CMPK1: variants seen among roughly 807,000 people sequenced by gnomAD.
CMPK1 encodes UMP-CMP kinase.
A neutral mutation model predicts 25.7 loss-of-function variants in CMPK1; 10 were observed. The observed-to-expected ratio is 0.39, with a 90% CI of 0.24 to 0.66. The LOEUF is 0.66. Ranked by LOEUF, CMPK1 falls within the 30% of genes least tolerant of loss-of-function variation. The pLI is 0.48. For missense variants in CMPK1, 199 were observed against 280.5 expected (o/e 0.71, Z 2.08); for synonymous variants, 106 against 101.5 (o/e 1.04, Z -0.27).
At chr1:47,372,847 A>G in intron 2 of CMPK1, 108 bp from the exon 3 acceptor site, 1 of 673,414 alleles carries the variant, frequency 1.5e-6, no homozygotes, top group Non-Finnish European at 2.1e-6. Context: ...TCCACCCTTT[A>G]CTTATGGTTT....
At chr1:47,375,332 A>G in intron 5 of CMPK1, 39 bp downstream of exon 5, 2 of 1,297,572 alleles carry the variant, frequency 1.5e-6, no homozygotes, top group Non-Finnish European at 2.2e-6. Context: ...AATATGTCAA[A>G]TAAAAATGTG....
intron 1 of CMPK1, among the ~76,000 whole-genome samples, chr1:47,338,676 G>A (rs1369303508): frequency 7.0e-6 from 1 of 143,554 alleles, no homozygotes; most frequent in Non-Finnish European, 1.5e-5. Context: ...CTAATTGTTT[G>A]TAAATCTGTA....
intron 1 of CMPK1, among the ~76,000 whole-genome samples, chr1:47,337,369 CAAAT>C (rs758899904): frequency 2.0e-5 from 3 of 152,106 alleles, no homozygotes; most frequent in Non-Finnish European, 4.4e-5. Context: ...TCAGTAATGG[CAAAT>C]AATATTTTAA....
At chr1:47,372,163 G>A (rs997905113) in intron 2 of CMPK1, among the ~76,000 whole-genome samples, 4 of 149,892 alleles carry the variant, frequency 2.7e-5, no homozygotes, top group Admixed American at 6.7e-5. Flanking sequence ...GCACGATCTC[G>A]GCTTACTGAA....
At chr1:47,354,205 C>T (rs1005749404) in intron 1 of CMPK1, among the ~76,000 whole-genome samples, 1 of 151,932 alleles carries the variant, frequency 6.6e-6, no homozygotes, top group East Asian at 1.9e-4. Context: ...ATGGCATGCT[C>T]GTAGTCCCAG....
chr1:47,358,317 T>C, intron 1 of CMPK1: 5 of 651,626 alleles, frequency 7.7e-6, no homozygotes, highest in Non-Finnish European at 1.2e-5. Context: ...CTTGCTATGG[T>C]GCATAGGCTG....
intron 5 of CMPK1, 98 bp from the exon 6 acceptor site, chr1:47,376,606 G>A (rs555822832): frequency 1.3e-4 from 89 of 707,734 alleles, no homozygotes; most frequent in Non-Finnish European, 1.8e-4. Context: ...GTGAGCCACC[G>A]CGCCCCGCCA....
chr1:47,378,498 T>TA lies in CMPK1; in HGVS notation c.*1754dup, dbSNP rs1293273133. 2.0e-5 allele frequency: 3 copies of TA among 152,236 alleles called. No homozygotes were observed. The highest frequency in any genetic ancestry group is 4.4e-5 in the Non-Finnish European group (3 of 68,030). The allele number at this position is 152,236 out of a possible 1,614,324, so 9.4% of individuals were successfully genotyped here. The stretch of plus-strand genomic sequence containing the variant: ...AAGTTTTGAAGAAGACTGATGAGAC[T>TA]AGGTGCTTTGCTTCCTTTCATCAGG... On this transcript the variant is annotated 3_prime_UTR_variant, in exon 6 of 6. Coordinates refer to ENST00000371873, the MANE Select transcript of CMPK1 (RefSeq NM_016308.3).
At position 47,377,861 on chromosome 1, in the gene CMPK1, A is replaced by T. The variant is rs1417429736; in HGVS notation, c.*1116A>T. 1 of 152,602 alleles carries T rather than the reference A, an allele frequency of 6.6e-6. No homozygotes were observed. Among genetic ancestry groups the T allele is most frequent in the African/African-American group, 2.4e-5 (1 of 41,450 alleles). The allele number at this position is 152,602 out of a possible 1,614,324, so 9.5% of individuals were successfully genotyped here. A position where few individuals can be genotyped will look rare whatever the true frequency, so the allele number is the denominator to read the frequency against. ...AGCACCGAAAGATAAATGATTTTTA[A>T]AAGGCTATAGAGTCCAAAGGAATAT... On this transcript the variant is annotated 3_prime_UTR_variant, in exon 6 of 6. Transcript: ENST00000371873.
chr1:47,334,895 A>G (rs1646384902), intron 1 of CMPK1, among the ~76,000 whole-genome samples: 1 of 152,210 alleles, frequency 6.6e-6, no homozygotes, highest in South Asian at 2.1e-4. Flanking sequence ...TTTTCTCAGG[A>G]TATAAAACAC....
chr1:47,346,894 C>T (rs564447720), intron 1 of CMPK1, among the ~76,000 whole-genome samples: 2 of 151,636 alleles, frequency 1.3e-5, no homozygotes, highest in Admixed American at 6.6e-5. Flanking sequence ...AGTGATTCTC[C>T]TGCCTTAGCC....
rs563386369 is a variant in CMPK1 at position 47,371,151 on chromosome 1, T to A, written c.319-1804T>A. 4.6e-5 allele frequency among the ~76,000 whole-genome samples: 7 copies of A among 152,290 alleles called. No homozygotes were observed. In the South Asian group the frequency reaches 1.2e-3, roughly 27 times the overall value. On this transcript the variant is annotated intron_variant, in intron 2 of 5. Coordinates refer to ENST00000371873, the MANE Select transcript of CMPK1 (RefSeq NM_016308.3). Reference sequence around the variant, plus strand: ...TGGCTGAAGCCTGATGGAAAAGAGCTATGTAAGCATCTGGTTGGAACTAAA... The same window carrying A: ...TGGCTGAAGCCTGATGGAAAAGAGCAATGTAAGCATCTGGTTGGAACTAAA...
rs34592236 is a variant in CMPK1, at chr1:47,354,599, CTTTTTTTTTT to C, written c.172-13860_172-13851del. On this transcript the variant is annotated intron_variant, in intron 1 of 5. Coordinates refer to ENST00000371873, the MANE Select transcript of CMPK1 (RefSeq NM_016308.3). ...ATAGTGCTTATTGTTTTGTGACTTGCTTTTTTTTTTTTTTTTTTTGCTTAGCAGTGTATCT... is the reference window on the plus strand; with the variant it reads ...ATAGTGCTTATTGTTTTGTGACTTGCTTTTTTTTTGCTTAGCAGTGTATCT... Among the ~76,000 whole-genome samples the C allele has an allele frequency of 1.9e-4, 20 of 105,476 alleles. No homozygotes were observed. In the South Asian group the frequency reaches 2.2e-3, roughly 12 times the overall value. 69.2% of individuals were successfully genotyped at this position (105,476 alleles called of 152,430 possible). A position where few individuals can be genotyped will look rare whatever the true frequency, so the allele number is the denominator to read the frequency against.
intron 1 of CMPK1, among the ~76,000 whole-genome samples, chr1:47,365,633 CAAAAA>C (rs10623948): frequency 9.2e-6 from 1 of 108,416 alleles, no homozygotes; most frequent in African/African-American, 3.9e-5. Context: ...GACCCTGTCT[CAAAAA>C]AAAAAAAAAA....
intron 1 of CMPK1, among the ~76,000 whole-genome samples, chr1:47,357,989 A>G (rs1570367889): frequency 1.3e-5 from 2 of 150,276 alleles, no homozygotes; most frequent in Non-Finnish European, 2.9e-5. Flanking sequence ...CTGTTCCTCT[A>G]TCGGCGTGTA....
rs1646518984 is a variant in CMPK1 at position 47,350,978 on chromosome 1, A to G, written c.171+16862A>G. Among the ~76,000 whole-genome samples, 4 of 152,000 alleles carry G rather than the reference A, an allele frequency of 2.6e-5. No homozygotes were observed. The South Asian group carries it at 8.3e-4, about 31-fold the overall frequency. On this transcript the variant is annotated intron_variant, in intron 1 of 5. Coordinates refer to ENST00000371873, the MANE Select transcript of CMPK1 (RefSeq NM_016308.3). The stretch of plus-strand genomic sequence containing the variant: ...CTTCCCTAGCTCCTGGTAAGTTCTA[A>G]TCTACTGTCTCTACGAGTTTGCCTA...
intron 1 of CMPK1, among the ~76,000 whole-genome samples, chr1:47,343,971 G>C (rs1383450366): frequency 6.6e-6 from 1 of 151,910 alleles, no homozygotes; most frequent in African/African-American, 2.4e-5. Context: ...GAGAGGCTGA[G>C]GTGAGAGAAT....
At chr1:47,354,643 G>A (rs191072622) in intron 1 of CMPK1, among the ~76,000 whole-genome samples, 298 of 141,734 alleles carry the variant, frequency 2.1e-3, no homozygotes, top group African/African-American at 7.3e-3. Context: ...CTTGGAGAGC[G>A]TTCCATATCG....
At chr1:47,343,763 C>T (rs1228314904) in intron 1 of CMPK1, among the ~76,000 whole-genome samples, 2 of 151,672 alleles carry the variant, frequency 1.3e-5, no homozygotes, top group Non-Finnish European at 2.9e-5. Context: ...TGGCGGGCGC[C>T]TGTAGTCCAG....
Sources: allele counts gnomAD v4.1 joint callset (sites outside exome capture counted in the v4.1 genomes callset), GRCh38; gene constraint gnomAD v4.1.1; transcripts MANE v1.5; gene names NCBI Gene and HGNC (gene_info 2026-07-23, HGNC 2026-07-21).